PCDH15: variants seen among roughly 807,000 people sequenced by gnomAD.
PCDH15 encodes protocadherin-15.
Under a neutral mutation model 178.5 loss-of-function variants are expected in PCDH15, and 129 were observed. That is an observed-to-expected ratio of 0.72 (90% CI 0.63 to 0.84). The LOEUF (loss-of-function observed/expected upper bound fraction) is 0.84. PCDH15 is among the 40% of genes least tolerant of loss of function. The probability of loss-of-function intolerance (pLI) is 0.00; values close to 1 mark genes in which losing one functional copy is unlikely to be tolerated. For missense variants in PCDH15, 2,230 were observed against 2,099.9 expected (o/e 1.06, Z -1.21); for synonymous variants, 800 against 732.0 (o/e 1.09, Z -1.50).
intron 3 of PCDH15, among the ~76,000 whole-genome samples, chr10:54,880,772 C>T (rs193030373): frequency 1.4e-5 from 2 of 148,132 alleles, no homozygotes; most frequent in African/African-American, 2.5e-5. Context: ...GAGAGAAGTG[C>T]ATACTAGATT....
At chr10:55,580,539 G>A (rs1425724434) in intron 2 of PCDH15, among the ~76,000 whole-genome samples, 1 of 151,674 alleles carries the variant, frequency 6.6e-6, no homozygotes, top group East Asian at 2.0e-4. Flanking sequence ...TGTATTTTTA[G>A]TAGAGACGGG....
intron 36 of PCDH15, among the ~76,000 whole-genome samples, chr10:53,811,261 G>A (rs1339264158): frequency 2.6e-5 from 4 of 152,046 alleles, no homozygotes; most frequent in Non-Finnish European, 5.9e-5. Context: ...TAGGAATTGA[G>A]CAAATATGTT....
chr10:54,883,133 A>G (rs540659656), intron 3 of PCDH15, among the ~76,000 whole-genome samples: 1 of 152,088 alleles, frequency 6.6e-6, no homozygotes, highest in African/African-American at 2.4e-5. Flanking sequence ...ATCTTCCTAT[A>G]TGTAATCATC....
intron 2 of PCDH15, among the ~76,000 whole-genome samples, chr10:55,000,688 C>T (rs534739134): frequency 7.2e-5 from 11 of 152,182 alleles, no homozygotes; most frequent in Admixed American, 3.3e-4. Context: ...TAAAGACAGG[C>T]GTAAGAAATT....
Position 54,011,826 on chromosome 10 carries a change from C to T in PCDH15, c.2751+8366G>A, listed in dbSNP as rs181663188. 6.6e-4 allele frequency among the ~76,000 whole-genome samples: 101 copies of T among 152,268 alleles called. 1 individual carries two copies. The highest frequency in any genetic ancestry group is 2.4e-3 in the African/African-American group (98 of 41,554). On this transcript the variant is annotated intron_variant, in intron 20 of 37. Transcript: ENST00000644397. The stretch of plus-strand genomic sequence containing the variant: ...AATTAGACAGTTGAAAGAACATCAG[C>T]GAACACAGATGAGAAAGAACCAGTG...
At chr10:54,613,278 ACT>A (rs2093021999) in intron 2 of PCDH15, among the ~76,000 whole-genome samples, 1 of 151,866 alleles carries the variant, frequency 6.6e-6, no homozygotes, top group African/African-American at 2.4e-5. Flanking sequence ...AAACTTTATC[ACT>A]CTCAAACAGC....
intron 2 of PCDH15, among the ~76,000 whole-genome samples, chr10:55,341,781 ATATATATATATATATATATATATATTTTT>A (rs1280343766): frequency 0.024 from 243 of 10,054 alleles, 2 homozygotes; most frequent in African/African-American, 0.092. Context: ...ATATATATAT[ATATATATATATATATATATATATATTTTT>A]TTTTTTTTTT....
chr10:54,096,947 T>C (rs1178939343), intron 15 of PCDH15, among the ~76,000 whole-genome samples: 2 of 152,218 alleles, frequency 1.3e-5, no homozygotes, highest in African/African-American at 4.8e-5. Flanking sequence ...TCAAGCTGTA[T>C]CTTAATACCT....
At chr10:55,110,673 T>C (rs757541188) in intron 2 of PCDH15, among the ~76,000 whole-genome samples, 3 of 150,068 alleles carry the variant, frequency 2.0e-5, no homozygotes, top group Non-Finnish European at 4.4e-5. Context: ...AGAGGGTTCC[T>C]GTTCCTTAAA....
intron 2 of PCDH15, among the ~76,000 whole-genome samples, chr10:54,914,226 G>A (rs777287198): frequency 5.9e-5 from 9 of 152,000 alleles, no homozygotes; most frequent in Non-Finnish European, 1.2e-4. Flanking sequence ...TGATTGGATC[G>A]GGAGGGCAGA....
At chr10:55,454,280 T>C (rs1192137691) in intron 2 of PCDH15, among the ~76,000 whole-genome samples, 1 of 152,158 alleles carries the variant, frequency 6.6e-6, no homozygotes, top group East Asian at 1.9e-4. Flanking sequence ...CTTAGCAAAG[T>C]TGTTTTTTTC....
intron 2 of PCDH15, among the ~76,000 whole-genome samples, chr10:55,126,951 T>C (rs931885228): frequency 6.6e-6 from 1 of 152,024 alleles, no homozygotes; most frequent in Non-Finnish European, 1.5e-5. Context: ...AAGGCCATAC[T>C]CTCTACCAGA....
At chr10:55,439,960 T>C (rs1284095711) in intron 2 of PCDH15, among the ~76,000 whole-genome samples, 1 of 152,162 alleles carries the variant, frequency 6.6e-6, no homozygotes. Flanking sequence ...ACAAAGTGTA[T>C]AGAAGAACTG....
At chr10:54,825,783 C>G (rs1327825204) in intron 3 of PCDH15, among the ~76,000 whole-genome samples, 1 of 152,096 alleles carries the variant, frequency 6.6e-6, no homozygotes, top group African/African-American at 2.4e-5. Flanking sequence ...TTTCTAAACA[C>G]AGTCATCTTG....
At chr10:54,491,288 G>C (rs1183069091) in intron 3 of PCDH15, among the ~76,000 whole-genome samples, 1 of 136,270 alleles carries the variant, frequency 7.3e-6, no homozygotes, top group African/African-American at 2.8e-5. Flanking sequence ...CACTAACAAA[G>C]TATTATCCCT....
rs1371288032 is a variant in PCDH15 at position 53,905,087 on chromosome 10, A to T, written c.3374-1717T>A. ...TATCTGGATGGTAACCAAATCCTAC[A>T]TGTCAGCCTCATAAGCAGGTAAATC... On this transcript the variant is annotated intron_variant, in intron 25 of 37. Transcript: ENST00000644397. 7 of 475,362 alleles carry T rather than the reference A, an allele frequency of 1.5e-5. 1 individual carries two copies. The highest frequency in any genetic ancestry group is 1.2e-4 in the Admixed American group (6 of 48,142). 29.4% of individuals were successfully genotyped at this position (475,362 alleles called of 1,614,324 possible). A position where few individuals can be genotyped will look rare whatever the true frequency, so the allele number is the denominator to read the frequency against.
intron 2 of PCDH15, among the ~76,000 whole-genome samples, chr10:55,347,495 A>G (rs765103008): frequency 9.2e-5 from 14 of 152,198 alleles, no homozygotes; most frequent in Non-Finnish European, 1.5e-5. Context: ...ACAAATAAAT[A>G]CATACTATTT....
chr10:54,979,208 G>T (rs1839154636), intron 2 of PCDH15, among the ~76,000 whole-genome samples: 1 of 152,084 alleles, frequency 6.6e-6, no homozygotes, highest in Non-Finnish European at 1.5e-5. Flanking sequence ...TTGTTATGGT[G>T]ATAACAATGC....
intron 2 of PCDH15, among the ~76,000 whole-genome samples, chr10:55,145,676 T>A (rs1838487721): frequency 6.6e-6 from 1 of 152,032 alleles, no homozygotes; most frequent in Admixed American, 6.6e-5. Context: ...CATATCATTC[T>A]GCCTAAATGT....
Sources: allele counts gnomAD v4.1 joint callset (sites outside exome capture counted in the v4.1 genomes callset), GRCh38; gene constraint gnomAD v4.1.1; transcripts MANE v1.5; gene names NCBI Gene and HGNC (gene_info 2026-07-23, HGNC 2026-07-21).